The following DDO variants were observed in gnomAD, a reference collection of about 807,000 sequenced individuals.
DDO encodes D-aspartate oxidase, DDO.
DDO carries 16 observed loss-of-function variants against 16.8 expected under a neutral mutation model. The ratio of observed to expected loss-of-function variants is 0.95; its 90% CI spans 0.65 to 1.45. The LOEUF is 1.45. Among genes scored for constraint, DDO ranks in the 40% most tolerant of loss-of-function variants. The pLI is 0.00. For synonymous variants in DDO, 180 were observed against 167.2 expected (o/e 1.08, Z -0.59); for missense variants, 429 against 420.3 (o/e 1.02, Z -0.18).
intron 4 of DDO, among the ~76,000 whole-genome samples, chr6:110,399,503 A>G (rs1773401192): frequency 6.6e-6 from 1 of 151,874 alleles, no homozygotes; most frequent in South Asian, 2.1e-4. Flanking sequence ...GCCCAGAGGG[A>G]GCCCCAGGTG....
intron 3 of DDO, among the ~76,000 whole-genome samples, chr6:110,406,103 C>T (rs548799424): frequency 1.3e-5 from 2 of 152,240 alleles, no homozygotes; most frequent in African/African-American, 4.8e-5. Context: ...TGCCCTCTTC[C>T]ATATCTTCAC....
downstream of DDO, among the ~76,000 whole-genome samples, chr6:110,390,204 G>A (rs1000441523): frequency 6.6e-6 from 1 of 152,190 alleles, no homozygotes; most frequent in African/African-American, 2.4e-5. Flanking sequence ...TAATGGTGAC[G>A]CTAGCAGTGG....
chr6:110,413,517 T>C (rs866336164), intron 1 of DDO, 51 bp from the exon 2 acceptor site: 3 of 1,582,206 alleles, frequency 1.9e-6, no homozygotes, highest in Non-Finnish European at 2.6e-6. Flanking sequence ...GATTTTCCCA[T>C]CCAGACAAAG....
At chr6:110,390,632 TA>T (rs1390217314), downstream of DDO, among the ~76,000 whole-genome samples, 1 of 152,058 alleles carries the variant, frequency 6.6e-6, no homozygotes, top group African/African-American at 2.4e-5. Context: ...CAACACACAA[TA>T]AAAATGCCAC....
chr6:110,393,163 T>C lies in DDO; in HGVS notation c.638A>G (p.His213Arg), dbSNP rs1773167585. Residue 213 changes from histidine (H) to arginine (R), a missense_variant, in exon 5 of 5, where the codon CAT becomes CGT. Coordinates refer to ENST00000368924, the MANE Select transcript of DDO (RefSeq NM_001372108.2). Reference sequence around the variant, plus strand: ...CAGCCCACTGCCATCTCGGATAAAATGCTCCACCCAGGGAGCCTGAACTTG... The same window carrying C: ...CAGCCCACTGCCATCTCGGATAAAACGCTCCACCCAGGGAGCCTGAACTTG... ...VLQVQAPWVE[H>R]FIRDGSGLTY... The C allele has an allele frequency of 1.9e-6, 3 of 1,614,214 alleles. No individual in the cohort carries two copies. The highest frequency in any genetic ancestry group is 1.7e-6 in the Non-Finnish European group (2 of 1,180,022).
intron 4 of DDO, among the ~76,000 whole-genome samples, chr6:110,400,227 GGAA>G (rs1268078101): frequency 1.3e-5 from 2 of 152,252 alleles, no homozygotes; most frequent in Non-Finnish European, 2.9e-5. Context: ...TTTGGAAGCA[GGAA>G]GAAGACATTG....
At chr6:110,412,412 T>C (rs1286792392) in intron 2 of DDO, among the ~76,000 whole-genome samples, 2 of 152,234 alleles carry the variant, frequency 1.3e-5, no homozygotes, top group Non-Finnish European at 1.5e-5. Flanking sequence ...TAGTCATTAC[T>C]GTTATCAGTG....
intron 2 of DDO, among the ~76,000 whole-genome samples, chr6:110,409,305 A>G (rs1773769152): frequency 6.6e-6 from 1 of 152,208 alleles, no homozygotes. Flanking sequence ...CTGTGGTTGA[A>G]GTATGTGGCC....
At chr6:110,402,211 G>GT (rs1404853552) in intron 4 of DDO, among the ~76,000 whole-genome samples, 1 of 152,196 alleles carries the variant, frequency 6.6e-6, no homozygotes, top group Non-Finnish European at 1.5e-5. Flanking sequence ...ATTATGTGTT[G>GT]TGTGTATTTA....
rs1478885102 is a variant in DDO at position 110,392,851 on chromosome 6, G to A, written c.950C>T (p.Thr317Ile). 1.2e-6 allele frequency: 2 copies of A among 1,613,854 alleles called. No individual in the cohort carries two copies. The highest frequency in any genetic ancestry group is 1.7e-6 in the Non-Finnish European group (2 of 1,179,874). The part of the protein sequence containing the change: ...GSGGISVHWG[T>I]ALEAARLVSE... ...CACCAGCCTGGCGGCCTCCAGAGCA[G>A]TGCCCCAGTGCACTGAGATGCCCCC... Residue 317 changes from threonine (T) to isoleucine (I), a missense_variant, in exon 5 of 5, where the codon ACT becomes ATT. Transcript: ENST00000368924.
At chr6:110,395,468 G>A (rs1375076624) in intron 4 of DDO, among the ~76,000 whole-genome samples, 1 of 151,896 alleles carries the variant, frequency 6.6e-6, no homozygotes, top group South Asian at 2.1e-4. Flanking sequence ...CTTTTTGTCT[G>A]GAGAGAGATA....
intron 2 of DDO, among the ~76,000 whole-genome samples, chr6:110,410,544 C>T (rs114214101): frequency 9.5e-4 from 145 of 152,266 alleles, no homozygotes; most frequent in African/African-American, 3.4e-3. Context: ...AGGAAACTTA[C>T]GATCGTGGTG....
chr6:110,389,038 A>G (rs2207358), downstream of DDO, among the ~76,000 whole-genome samples: 1 of 152,234 alleles, frequency 6.6e-6, no homozygotes. Flanking sequence ...TGTATATATG[A>G]GGATATCTTT....
Position 110,393,073 on chromosome 6 carries a change from T to G in DDO, c.728A>C (p.Asn243Thr). The change falls in exon 5 of 5, where the codon AAT becomes ACT. Residue 243 changes from asparagine (N) to threonine (T), a missense_variant. Asn to Thr is a moderately conservative substitution (Grantham distance 65). Transcript: ENST00000368924. ...LGGTRQKGDW[N>T]LSPDAENSRE... ...GCTATTTTCTGCATCCGGGGACAGA[T>G]TCCAGTCCCCTTTTTGCCTAGTTCC... The G allele has an allele frequency of 6.2e-7, 1 of 1,613,558 alleles. No individual in the cohort carries two copies. The highest frequency in any genetic ancestry group is 8.5e-7 in the Non-Finnish European group (1 of 1,179,436).
chr6:110,410,484 A>G (rs1773818127), intron 2 of DDO, among the ~76,000 whole-genome samples: 1 of 152,242 alleles, frequency 6.6e-6, no homozygotes, highest in South Asian at 2.1e-4. Context: ...GGTAATTTAT[A>G]AAGGAAAGAA....
rs577426233 is a variant in DDO at position 110,412,442 on chromosome 6, C to T, written c.172+849G>A. On this transcript the variant is annotated intron_variant, in intron 2 of 4. Coordinates refer to ENST00000368924, the MANE Select transcript of DDO (RefSeq NM_001372108.2). ...TCAGTGGAAAGACAGAGCCGCCAATCATGTAGTTGTCAGTACTGTTCATCC... is the reference window on the plus strand; with the variant it reads ...TCAGTGGAAAGACAGAGCCGCCAATTATGTAGTTGTCAGTACTGTTCATCC... Among the ~76,000 whole-genome samples, 3 of 152,312 alleles carry T rather than the reference C, an allele frequency of 2.0e-5. No homozygotes were observed. In the South Asian group the frequency reaches 6.2e-4, roughly 32 times the overall value.
Position 110,410,602 on chromosome 6 carries a change from G to C in DDO, c.173-2160C>G, listed in dbSNP as rs1274788414. ...TCTTCACATGGTGGCAGGAAGAGAA[G>C]AATGAGAGCTGAGCTCAGCAAAGTG... On this transcript the variant is annotated intron_variant, in intron 2 of 4. Coordinates refer to ENST00000368924, the MANE Select transcript of DDO (RefSeq NM_001372108.2). Among the ~76,000 whole-genome samples the C allele has an allele frequency of 2.0e-5, 3 of 152,224 alleles. No individual in the cohort carries two copies. The East Asian group carries it at 5.8e-4, about 29-fold the overall frequency.
At chr6:110,395,118 G>C (rs1773251390) in intron 4 of DDO, among the ~76,000 whole-genome samples, 1 of 152,212 alleles carries the variant, frequency 6.6e-6, no homozygotes, top group Admixed American at 6.5e-5. Flanking sequence ...CATACTCCGT[G>C]TATTTCTGCA....
intron 2 of DDO, 145 bp downstream of exon 2, chr6:110,413,146 A>C (rs1398053984): frequency 1.0e-6 from 1 of 986,010 alleles, no homozygotes; most frequent in East Asian, 2.7e-5. Flanking sequence ...CTGTCTCAAA[A>C]AAAGAGAAAA....
Sources: gnomAD v4.1 joint callset for allele counts (sites outside exome capture counted in the v4.1 genomes callset) on GRCh38, gnomAD v4.1.1 for gene constraint, MANE v1.5 for transcripts, NCBI Gene and HGNC (gene_info 2026-07-23, HGNC 2026-07-21) for gene names.